EPHA5: variants seen among roughly 807,000 people sequenced by gnomAD.
The protein encoded by EPHA5 is EPH receptor A5, also known as ephrin type-A receptor 5.
Under a neutral mutation model 105.0 loss-of-function variants are expected in EPHA5, and 60 were observed. The ratio of observed to expected loss-of-function variants is 0.57; its 90% CI spans 0.46 to 0.71. EPHA5 has a LOEUF of 0.71. Among genes scored for constraint, EPHA5 ranks in the 30% least tolerant of loss-of-function variants. The probability of loss-of-function intolerance (pLI) is 0.00; values close to 1 mark genes in which losing one functional copy is unlikely to be tolerated. For synonymous variants in EPHA5, 513 were observed against 449.1 expected, an observed-to-expected ratio of 1.14 and a Z score of -1.80; for missense variants, 1,218 against 1,274.7, an observed-to-expected ratio of 0.96 and a Z score of 0.68.
chr4:65,664,316 G>A (rs777794764), intron 1 of EPHA5, among the ~76,000 whole-genome samples: 1 of 151,754 alleles, frequency 6.6e-6, no homozygotes, highest in African/African-American at 2.4e-5. Flanking sequence ...ATTGTTATTA[G>A]TACATCAGAA....
intron 2 of EPHA5, among the ~76,000 whole-genome samples, chr4:65,615,762 A>C (rs1005864496): frequency 6.6e-6 from 1 of 151,948 alleles, no homozygotes; most frequent in African/African-American, 2.4e-5. Context: ...GAAATGAATA[A>C]AAAATCATTT....
intron 13 of EPHA5, among the ~76,000 whole-genome samples, chr4:65,348,471 T>A (rs1722432153): frequency 6.6e-6 from 1 of 151,570 alleles, no homozygotes; most frequent in East Asian, 2.0e-4. Flanking sequence ...ATAGCAGCTC[T>A]AAGTAAGGGA....
Position 65,669,717 on chromosome 4 carries a change from G to C in EPHA5, c.26C>G (p.Ala9Gly), listed in dbSNP as rs1750296828. The C allele has an allele frequency of 1.6e-6, 2 of 1,275,508 alleles. No homozygotes were observed. Among genetic ancestry groups the C allele is most frequent in the East Asian group, 3.1e-5 (1 of 32,270 alleles). The allele number at this position is 1,275,508 out of a possible 1,614,324, so 79.0% of individuals were successfully genotyped here. MRGSGPRG[A>G]GRRRPPSGGG... is the part of the protein sequence containing the mutation. ...GCCGCTTGGGGGCCGCCGGCGTCCC[G>C]CACCCCGGGGCCCCGAGCCCCGCAT... Residue 9 changes from alanine (A) to glycine (G), a missense_variant, in exon 1 of 17, where the codon GCG becomes GGG. Around this residue, in one of 3 missense-constraint regions of EPHA5, gnomAD observed 233 missense variants for 227.5 expected, o/e 1.02. Transcript: ENST00000613740.
intron 5 of EPHA5, among the ~76,000 whole-genome samples, chr4:65,485,636 T>A (rs1560593653): frequency 6.6e-6 from 1 of 152,188 alleles, no homozygotes; most frequent in Non-Finnish European, 1.5e-5. Flanking sequence ...CTATAGACTA[T>A]CAGCCTAATG....
intron 3 of EPHA5, among the ~76,000 whole-genome samples, chr4:65,529,079 G>T (rs1470179951): frequency 6.6e-6 from 1 of 151,962 alleles, no homozygotes; most frequent in East Asian, 1.9e-4. Flanking sequence ...TTCAAAAATT[G>T]GTTGCATAGT....
At chr4:65,510,306 A>G (rs1286588415) in intron 3 of EPHA5, among the ~76,000 whole-genome samples, 1 of 151,688 alleles carries the variant, frequency 6.6e-6, no homozygotes, top group African/African-American at 2.4e-5. Context: ...CGGCCTCCCA[A>G]AGTGCTGGGA....
intron 6 of EPHA5, among the ~76,000 whole-genome samples, chr4:65,416,218 C>T (rs1425970107): frequency 1.3e-5 from 2 of 151,880 alleles, no homozygotes; most frequent in African/African-American, 2.4e-5. Context: ...AAAGGATTAA[C>T]ATTTATAATA....
At chr4:65,447,854 A>T (rs1288303989) in intron 5 of EPHA5, among the ~76,000 whole-genome samples, 3 of 152,098 alleles carry the variant, frequency 2.0e-5, no homozygotes, top group African/African-American at 4.8e-5. Flanking sequence ...ATAACCTAAT[A>T]AGAGGGAAAA....
At chr4:65,496,599 T>C (rs1182196355) in intron 3 of EPHA5, among the ~76,000 whole-genome samples, 2 of 151,580 alleles carry the variant, frequency 1.3e-5, no homozygotes, top group African/African-American at 4.9e-5. Context: ...ATGGTGTATA[T>C]GTGCCACATT....
intron 3 of EPHA5, among the ~76,000 whole-genome samples, chr4:65,581,788 T>C (rs1220541052): frequency 6.6e-6 from 1 of 151,740 alleles, no homozygotes; most frequent in Non-Finnish European, 1.5e-5. Context: ...ATGGAAGGTT[T>C]CTAAATGGGC....
intron 3 of EPHA5, among the ~76,000 whole-genome samples, chr4:65,564,808 T>C (rs1023734594): frequency 2.0e-5 from 3 of 151,264 alleles, no homozygotes; most frequent in Non-Finnish European, 4.4e-5. Context: ...TAGAAACAAT[T>C]AATAATGCAA....
intron 5 of EPHA5, among the ~76,000 whole-genome samples, chr4:65,431,046 G>A (rs1268775682): frequency 1.3e-5 from 2 of 152,060 alleles, no homozygotes; most frequent in Non-Finnish European, 2.9e-5. Flanking sequence ...TTATGTAATA[G>A]CATTCAAATA....
intron 5 of EPHA5, among the ~76,000 whole-genome samples, chr4:65,440,536 A>T (rs1725914293): frequency 6.7e-6 from 1 of 150,234 alleles, no homozygotes; most frequent in Non-Finnish European, 1.5e-5. Flanking sequence ...ACACACACAG[A>T]GGGAGGAATT....
At chr4:65,473,383 A>C (rs1425812609) in intron 5 of EPHA5, among the ~76,000 whole-genome samples, 2 of 152,158 alleles carry the variant, frequency 1.3e-5, no homozygotes, top group Admixed American at 1.3e-4. Flanking sequence ...CACTTCTATA[A>C]AGATACTACC....
At chr4:65,494,233 A>G (rs934931032) in intron 4 of EPHA5, among the ~76,000 whole-genome samples, 1 of 152,254 alleles carries the variant, frequency 6.6e-6, no homozygotes, top group African/African-American at 2.4e-5. Flanking sequence ...ATCTGAAAAC[A>G]TGTTTCACTG....
chr4:65,410,373 T>C (rs1382848874), intron 7 of EPHA5, among the ~76,000 whole-genome samples: 1 of 152,278 alleles, frequency 6.6e-6, no homozygotes, highest in African/African-American at 2.4e-5. Flanking sequence ...GAAAACGTTA[T>C]ACATAAACAG....
intron 3 of EPHA5, among the ~76,000 whole-genome samples, chr4:65,505,776 G>A (rs1268688242): frequency 3.9e-5 from 6 of 151,990 alleles, no homozygotes; most frequent in Non-Finnish European, 5.9e-5. Context: ...TAAGTTTAGG[G>A]AAAAGCCAGA....
chr4:65,383,613 T>C (rs1229075908), intron 8 of EPHA5, among the ~76,000 whole-genome samples: 2 of 151,920 alleles, frequency 1.3e-5, no homozygotes, highest in African/African-American at 4.8e-5. Context: ...TGATGGATTT[T>C]ATTGAGCTCA....
chr4:65,331,514 G>T (rs1455007988), intron 16 of EPHA5: 5 of 1,053,606 alleles, frequency 4.7e-6, no homozygotes. Flanking sequence ...TCCTGCCAGG[G>T]AAGCTTTGTT....
Sources: gnomAD v4.1 joint callset for allele counts (sites outside exome capture counted in the v4.1 genomes callset) on GRCh38, gnomAD v4.1.1 for gene constraint, gnomAD v4.1.1 regional missense constraint, MANE v1.5 for transcripts, NCBI Gene and HGNC (gene_info 2026-07-23, HGNC 2026-07-21) for gene names.